CNTNAP3B: variants seen among roughly 807,000 people sequenced by gnomAD.
The protein encoded by CNTNAP3B is contactin associated protein family member 3B, also known as contactin-associated protein-like 3B.
In CNTNAP3B, 25 loss-of-function variants were observed where a neutral mutation model predicts 108.9. The observed-to-expected ratio is 0.23, with a 90% CI of 0.17 to 0.32. The LOEUF (loss-of-function observed/expected upper bound fraction) is 0.32, where lower values mean the gene tolerates loss of function less well. Among genes scored for constraint, CNTNAP3B ranks in the 10% least tolerant of loss-of-function variants. CNTNAP3B has a pLI of 1.00. For synonymous variants in CNTNAP3B, 103 were observed against 473.4 expected, an observed-to-expected ratio of 0.22 and a Z score of 10.16; for missense variants, 252 against 1,210.4, an observed-to-expected ratio of 0.21 and a Z score of 11.75.
chr9:42,080,201 C>T (rs1272697838), intron 2 of CNTNAP3B, among the ~76,000 whole-genome samples: 1 of 137,184 alleles, frequency 7.3e-6, no homozygotes, highest in Non-Finnish European at 1.6e-5. Flanking sequence ...CTCGGCATCC[C>T]TCACAGTTTG....
At chr9:41,925,052 C>T (rs370843215) in intron 15 of CNTNAP3B, among the ~76,000 whole-genome samples, 1 of 152,054 alleles carries the variant, frequency 6.6e-6, no homozygotes, top group East Asian at 1.9e-4. Flanking sequence ...TTAGTTTCAA[C>T]TGCCTTGTAA....
intron 1 of CNTNAP3B, among the ~76,000 whole-genome samples, chr9:42,119,895 C>T (rs1185847846): frequency 7.1e-6 from 1 of 139,870 alleles, no homozygotes; most frequent in South Asian, 2.3e-4. Context: ...TAGGCAATAC[C>T]ATTCAGGACA....
intron 14 of CNTNAP3B, among the ~76,000 whole-genome samples, chr9:41,935,662 T>G (rs1824135392): frequency 6.6e-6 from 1 of 152,264 alleles, no homozygotes; most frequent in Non-Finnish European, 1.5e-5. Flanking sequence ...AGAGTTGGGT[T>G]AGGATTTCAG....
At chr9:42,113,006 C>G (rs1239896941) in intron 1 of CNTNAP3B, among the ~76,000 whole-genome samples, 2 of 132,982 alleles carry the variant, frequency 1.5e-5, no homozygotes, top group Non-Finnish European at 3.2e-5. Context: ...CCACCTGCCT[C>G]AACCTCCCAA....
intron 14 of CNTNAP3B, among the ~76,000 whole-genome samples, chr9:41,935,854 C>T (rs1284352681): frequency 2.6e-5 from 4 of 152,292 alleles, no homozygotes; most frequent in Admixed American, 1.3e-4. Context: ...TTCTGTCACA[C>T]CAGTGCAGTC....
chr9:41,969,807 G>A (rs1825389134), intron 10 of CNTNAP3B, among the ~76,000 whole-genome samples: 1 of 111,354 alleles, frequency 9.0e-6, no homozygotes, highest in Non-Finnish European at 1.9e-5. Flanking sequence ...TGTATTTTTA[G>A]TAGAGACGGG....
At chr9:41,923,582 C>A (rs1340180880) in intron 16 of CNTNAP3B, among the ~76,000 whole-genome samples, 69 of 152,368 alleles carry the variant, frequency 4.5e-4, no homozygotes, top group African/African-American at 1.6e-3. Context: ...GTCAACATGG[C>A]AAAACCCCAC....
intron 12 of CNTNAP3B, 106 bp from the exon 13 acceptor site, chr9:41,953,492 T>G: frequency 7.3e-7 from 1 of 1,368,718 alleles, no homozygotes; most frequent in Non-Finnish European, 1.0e-6. Flanking sequence ...AAATTTACAT[T>G]ACTGCATGTT....
intron 1 of CNTNAP3B, among the ~76,000 whole-genome samples, chr9:42,108,220 T>C (rs1249661495): frequency 7.5e-6 from 1 of 133,096 alleles, no homozygotes. Context: ...AGATTCACTA[T>C]ATTTCCATGT....
intron 10 of CNTNAP3B, among the ~76,000 whole-genome samples, chr9:41,965,098 T>C (rs1458073225): frequency 6.6e-6 from 1 of 152,300 alleles, no homozygotes; most frequent in African/African-American, 2.4e-5. Context: ...TGAAGAACAT[T>C]TAATTTAGGT....
chr9:41,994,585 G>A, intron 7 of CNTNAP3B: 1 of 421,600 alleles, frequency 2.4e-6, no homozygotes, highest in South Asian at 1.9e-5. Flanking sequence ...GCAGGGTGCT[G>A]TTCATAGTAA....
In CNTNAP3B at chr9:41,997,567, C is replaced by A; in HGVS notation, c.927+1G>T. On this transcript the variant is annotated splice_donor_variant, in intron 6 of 23. Transcript: ENST00000377561. LOFTEE classifies it high-confidence loss of function. ...AATTTAAACTATATATCTATAATAA[C>A]CTCAAAATTAAGATCCAAGTTACTG... The A allele has an allele frequency of 6.2e-7, 1 of 1,608,738 alleles. No individual in the cohort carries two copies. Among genetic ancestry groups the A allele is most frequent in the East Asian group, 2.3e-5 (1 of 44,434 alleles).
At chr9:42,051,770 G>T (rs1383734177) in intron 3 of CNTNAP3B, among the ~76,000 whole-genome samples, 69 of 151,572 alleles carry the variant, frequency 4.6e-4, no homozygotes, top group Non-Finnish European at 7.8e-4. Context: ...TACCACCAGA[G>T]TAAATTTACA....
At chr9:42,118,298 T>C (rs561046370) in intron 1 of CNTNAP3B, among the ~76,000 whole-genome samples, 1 of 139,448 alleles carries the variant, frequency 7.2e-6, no homozygotes, top group Non-Finnish European at 1.5e-5. Flanking sequence ...GCAAACTGAA[T>C]ACAGCAACAC....
chr9:42,024,675 A>G (rs1051367865), intron 3 of CNTNAP3B, among the ~76,000 whole-genome samples: 2 of 137,606 alleles, frequency 1.5e-5, no homozygotes, highest in African/African-American at 5.5e-5. Context: ...TTCACAAAAA[A>G]AAAAAAAAAG....
intron 2 of CNTNAP3B, among the ~76,000 whole-genome samples, chr9:42,098,294 C>T (rs1412333366): frequency 7.7e-6 from 1 of 129,270 alleles, no homozygotes; most frequent in Admixed American, 7.8e-5. Context: ...GATAACTAGG[C>T]TGGGCGTGGT....
At chr9:42,103,257 C>T (rs1239019273) in intron 2 of CNTNAP3B, among the ~76,000 whole-genome samples, 4 of 147,706 alleles carry the variant, frequency 2.7e-5, no homozygotes, top group African/African-American at 1.1e-4. Context: ...CAAATGAAAT[C>T]ACAGACTTAA....
At chr9:42,097,151 A>T (rs1827918104) in intron 2 of CNTNAP3B, among the ~76,000 whole-genome samples, 1 of 140,288 alleles carries the variant, frequency 7.1e-6, no homozygotes, top group Non-Finnish European at 1.5e-5. Flanking sequence ...CCAAGTTCAC[A>T]TTGGAAAACA....
rs1294742032 is a variant in CNTNAP3B at position 42,045,801 on chromosome 9, C to T, written c.390+31068G>A. ...GAAGATTCAGTTAAACACAGAATAGCAATCTGCATCTTTAATATCATCTCG... is the reference window on the plus strand; with the variant it reads ...GAAGATTCAGTTAAACACAGAATAGTAATCTGCATCTTTAATATCATCTCG... On this transcript the variant is annotated intron_variant, in intron 3 of 23. Transcript: ENST00000377561. Among the ~76,000 whole-genome samples, 1,098 of 135,920 alleles carry T rather than the reference C, an allele frequency of 8.1e-3. 1 individual carries two copies. Among genetic ancestry groups the T allele is most frequent in the African/African-American group, 0.031 (1,041 of 34,066 alleles). The allele number at this position is 135,920 out of a possible 152,430, so 89.2% of individuals were successfully genotyped here.
Sources: gnomAD v4.1 joint callset for allele counts (sites outside exome capture counted in the v4.1 genomes callset) on GRCh38, gnomAD v4.1.1 for gene constraint, MANE v1.5 for transcripts, NCBI Gene and HGNC (gene_info 2026-07-23, HGNC 2026-07-21) for gene names.